SNTB1: variants seen among roughly 807,000 people sequenced by gnomAD.
SNTB1 encodes the protein syntrophin beta 1, also known as beta-1-syntrophin.
SNTB1 carries 36 observed loss-of-function variants against 48.9 expected under a neutral mutation model. The ratio of observed to expected loss-of-function variants is 0.74; its 90% CI spans 0.56 to 0.97. SNTB1 has a LOEUF of 0.97. SNTB1 is among the 50% of genes least tolerant of loss of function. The pLI is 0.00. For synonymous variants in SNTB1, 299 were observed against 294.6 expected, an observed-to-expected ratio of 1.01 and a Z score of -0.15; for missense variants, 786 against 703.4, an observed-to-expected ratio of 1.12 and a Z score of -1.33.
intron 1 of SNTB1, among the ~76,000 whole-genome samples, chr8:120,697,439 T>C (rs1818230969): frequency 6.6e-6 from 1 of 152,186 alleles, no homozygotes; most frequent in Non-Finnish European, 1.5e-5. Flanking sequence ...CCATGAGGTA[T>C]AATAAGAAAT....
chr8:120,731,211 C>T (rs1460894183), intron 1 of SNTB1, among the ~76,000 whole-genome samples: 3 of 152,016 alleles, frequency 2.0e-5, no homozygotes, highest in Admixed American at 6.5e-5. Flanking sequence ...AATAAACTGC[C>T]GTTTTATAAA....
intron 2 of SNTB1, among the ~76,000 whole-genome samples, chr8:120,661,511 G>A (rs1286819707): frequency 6.6e-6 from 1 of 151,986 alleles, no homozygotes; most frequent in Non-Finnish European, 1.5e-5. Flanking sequence ...TTAAGTTCTA[G>A]GATACATGTG....
chr8:120,802,489 G>C (rs1386208295), intron 1 of SNTB1, among the ~76,000 whole-genome samples: 1 of 152,050 alleles, frequency 6.6e-6, no homozygotes, highest in Non-Finnish European at 1.5e-5. Flanking sequence ...GAAAACATCT[G>C]ATGCTGCTTA....
At chr8:120,694,587 C>A (rs1818182162) in intron 1 of SNTB1, among the ~76,000 whole-genome samples, 1 of 151,034 alleles carries the variant, frequency 6.6e-6, no homozygotes, top group African/African-American at 2.4e-5. Flanking sequence ...ATATATATCT[C>A]TTTCTCTCTC....
chr8:120,771,526 T>C lies in SNTB1; in HGVS notation c.571+39747A>G, dbSNP rs147266283. ...GCATTAAGATTGTGAAATGCAAGTG[T>C]AGTACGTTTACAGCTTTCTTCTAGT... is the stretch of plus-strand genomic sequence containing the variant. On this transcript the variant is annotated intron_variant, in intron 1 of 6. Coordinates refer to ENST00000517992, the MANE Select transcript of SNTB1 (RefSeq NM_021021.4). Among the ~76,000 whole-genome samples, 232 of 152,352 alleles carry C rather than the reference T, an allele frequency of 1.5e-3. 2 individuals carry two copies. Among genetic ancestry groups the C allele is most frequent in the African/African-American group, 5.2e-3 (215 of 41,588 alleles).
At chr8:120,727,271 A>G (rs1818772953) in intron 1 of SNTB1, among the ~76,000 whole-genome samples, 1 of 152,080 alleles carries the variant, frequency 6.6e-6, no homozygotes, top group African/African-American at 2.4e-5. Flanking sequence ...GGTGGTAATA[A>G]CTCCGTTTCT....
chr8:120,756,450 A>C (rs60253883), intron 1 of SNTB1, among the ~76,000 whole-genome samples: 5 of 152,034 alleles, frequency 3.3e-5, no homozygotes, highest in African/African-American at 1.2e-4. Flanking sequence ...AATATTCAGA[A>C]GTGCTTATTC....
chr8:120,550,097 T>C (rs535990533), intron 4 of SNTB1, among the ~76,000 whole-genome samples: 1 of 152,312 alleles, frequency 6.6e-6, no homozygotes, highest in African/African-American at 2.4e-5. Flanking sequence ...AAGCATATTA[T>C]TACCTGTTGA....
rs545519994 is a variant in SNTB1, at chr8:120,749,231, C to T, written c.572-55323G>A. Among the ~76,000 whole-genome samples, 14 of 152,174 alleles carry T rather than the reference C, an allele frequency of 9.2e-5. No individual in the cohort carries two copies. In the South Asian group the frequency reaches 2.9e-3, roughly 32 times the overall value. The stretch of plus-strand genomic sequence containing the variant: ...TTTCTAGCTAGTTCTTCCAAAGACC[C>T]GTTTTCTCCAATTTTTAAAATTTGC... On this transcript the variant is annotated intron_variant, in intron 1 of 6. Transcript: ENST00000517992.
intron 3 of SNTB1, among the ~76,000 whole-genome samples, chr8:120,588,829 G>C (rs1338345838): frequency 6.6e-6 from 1 of 152,188 alleles, no homozygotes; most frequent in Non-Finnish European, 1.5e-5. Flanking sequence ...AAATTCAGAA[G>C]CCTGCTCCTC....
rs1470910701 is a variant in SNTB1, at chr8:120,537,348, C to A, written c.*1529G>T. ...GTATTTAGTAAAGTGTATTAACAAACCCCTGTCTCCCCCCAGCAAAACACC... is the reference window on the plus strand; with the variant it reads ...GTATTTAGTAAAGTGTATTAACAAAACCCTGTCTCCCCCCAGCAAAACACC... On this transcript the variant is annotated 3_prime_UTR_variant, in exon 7 of 7. Transcript: ENST00000517992. 6 of 152,100 alleles carry A rather than the reference C, an allele frequency of 3.9e-5. No individual in the cohort carries two copies. Among genetic ancestry groups the A allele is most frequent in the African/African-American group, 9.7e-5 (4 of 41,392 alleles). The allele number at this position is 152,100 out of a possible 1,614,324, so 9.4% of individuals were successfully genotyped here.
intron 3 of SNTB1, among the ~76,000 whole-genome samples, chr8:120,620,657 C>G (rs997426703): frequency 6.7e-6 from 1 of 149,706 alleles, no homozygotes; most frequent in Admixed American, 6.7e-5. Flanking sequence ...CCCCCACCCC[C>G]ACCCCCACAC....
intron 1 of SNTB1, among the ~76,000 whole-genome samples, chr8:120,796,337 A>C (rs1587169721): frequency 6.6e-6 from 1 of 152,166 alleles, no homozygotes; most frequent in Non-Finnish European, 1.5e-5. Flanking sequence ...GCGAGAGTGG[A>C]CTAATACACT....
chr8:120,627,401 C>T (rs1816900719), intron 3 of SNTB1, among the ~76,000 whole-genome samples: 1 of 152,050 alleles, frequency 6.6e-6, no homozygotes, highest in Non-Finnish European at 1.5e-5. Context: ...CTCTGTAGGA[C>T]CTGTTCTTTG....
chr8:120,550,332 A>G (rs940370901), intron 4 of SNTB1, among the ~76,000 whole-genome samples: 1 of 152,012 alleles, frequency 6.6e-6, no homozygotes, highest in Non-Finnish European at 1.5e-5. Flanking sequence ...ACCTGAGGTC[A>G]GAAGTTTGAG....
At chr8:120,609,458 C>T (rs980834907) in intron 3 of SNTB1, among the ~76,000 whole-genome samples, 3 of 152,174 alleles carry the variant, frequency 2.0e-5, no homozygotes, top group African/African-American at 7.2e-5. Context: ...TGGGGCAGGA[C>T]ACCCCGAGCC....
chr8:120,563,088 G>A (rs758519621), intron 4 of SNTB1, among the ~76,000 whole-genome samples: 8 of 151,868 alleles, frequency 5.3e-5, no homozygotes, highest in Non-Finnish European at 1.0e-4. Flanking sequence ...GAGCAGTGTC[G>A]CCCTTTTTAC....
intron 1 of SNTB1, among the ~76,000 whole-genome samples, chr8:120,716,267 CCAT>C (rs1391860965): frequency 6.6e-6 from 1 of 152,136 alleles, no homozygotes; most frequent in African/African-American, 2.4e-5. Flanking sequence ...GTGCAGAGTT[CCAT>C]TATTATTATC....
chr8:120,653,005 A>T (rs1316804059), intron 2 of SNTB1, among the ~76,000 whole-genome samples: 1 of 152,200 alleles, frequency 6.6e-6, no homozygotes, highest in Non-Finnish European at 1.5e-5. Flanking sequence ...TGTCACAGCT[A>T]ATTAGCAAGT....
Sources: allele counts gnomAD v4.1 joint callset (sites outside exome capture counted in the v4.1 genomes callset), GRCh38; gene constraint gnomAD v4.1.1; transcripts MANE v1.5; gene names NCBI Gene and HGNC (gene_info 2026-07-23, HGNC 2026-07-21).